FIGLA: variants seen among roughly 807,000 people sequenced by gnomAD.
The protein encoded by FIGLA is folliculogenesis specific bHLH transcription factor.
In FIGLA, 17 loss-of-function variants were observed where a neutral mutation model predicts 21.5. That is an observed-to-expected ratio of 0.79 (90% confidence interval 0.54 to 1.19). The LOEUF is 1.19. FIGLA is among the 50% of genes most tolerant of loss of function. The pLI, the probability that FIGLA is intolerant of heterozygous loss-of-function variation, is 0.00. For missense variants in FIGLA, 282 were observed against 285.0 expected, an observed-to-expected ratio of 0.99 and a Z score of 0.08; for synonymous variants, 129 against 117.6, an observed-to-expected ratio of 1.10 and a Z score of -0.63.
At chr2:70,786,086 G>C (rs782653897) in intron 2 of FIGLA, among the ~76,000 whole-genome samples, 1 of 152,042 alleles carries the variant, frequency 6.6e-6, no homozygotes, top group African/African-American at 2.4e-5. Context: ...ATATTCAAAG[G>C]TACTATCATA....
rs1339100230 is a variant in FIGLA, at chr2:70,785,497, T to A, written c.527A>T (p.Asp176Val). Residue 176 changes from aspartate to valine, a missense_variant, in exon 3 of 5, where the codon GAT (aspartate) becomes GTT (valine). Coordinates refer to ENST00000332372, the MANE Select transcript of FIGLA (RefSeq NM_001004311.3). ...LKNEEEGPWADGGSGEPAHAC... is the reference protein window; with the variant it reads ...LKNEEEGPWAVGGSGEPAHAC... ...GTGTGCTGGCTCACCACTGCCACCATCTGCCCAAGGCCCTTCCTCTTCATT... is the reference window on the plus strand; with the variant it reads ...GTGTGCTGGCTCACCACTGCCACCAACTGCCCAAGGCCCTTCCTCTTCATT... 27 of 1,613,888 alleles carry A rather than the reference T, an allele frequency of 1.7e-5. No individual in the cohort carries two copies. Among genetic ancestry groups the A allele is most frequent in the Non-Finnish European group, 2.3e-5 (27 of 1,179,902 alleles).
At chr2:70,786,920 C>T (rs1675965990) in intron 2 of FIGLA, among the ~76,000 whole-genome samples, 1 of 152,146 alleles carries the variant, frequency 6.6e-6, no homozygotes, top group Admixed American at 6.5e-5. Context: ...GCTTAGGGCT[C>T]ATTTCTAAGG....
intron 3 of FIGLA, among the ~76,000 whole-genome samples, chr2:70,780,751 A>C (rs1388503178): frequency 6.6e-6 from 1 of 152,168 alleles, no homozygotes; most frequent in African/African-American, 2.4e-5. Flanking sequence ...ATTCAGTACT[A>C]ATGTCATCAG....
chr2:70,789,819 C>T (rs1016844814), intron 1 of FIGLA, among the ~76,000 whole-genome samples: 8 of 152,176 alleles, frequency 5.3e-5, no homozygotes. Context: ...TTCCCGTTTG[C>T]GAGTTGCTGC....
chr2:70,778,606 G>C (rs1178896679), intron 3 of FIGLA, among the ~76,000 whole-genome samples: 1 of 152,064 alleles, frequency 6.6e-6, no homozygotes, highest in Non-Finnish European at 1.5e-5. Flanking sequence ...CTGCATTTTA[G>C]AACATTTATT....
At chr2:70,785,311 A>T in intron 3 of FIGLA, 104 bp downstream of exon 3, 1 of 1,000,916 alleles carries the variant, frequency 1.0e-6, no homozygotes, top group Non-Finnish European at 1.5e-6. Flanking sequence ...TCATTAAATT[A>T]TCTTGTTTTA....
chr2:70,783,342 GA>G lies in FIGLA; in HGVS notation c.609+2072del, dbSNP rs1439600110. ...CCTTTTTTGAAGGAAATTCCAGTCAGAACATCTCTGGCTTTTACTAGGAAAC... is the reference window on the plus strand; with the variant it reads ...CCTTTTTTGAAGGAAATTCCAGTCAGACATCTCTGGCTTTTACTAGGAAAC... On this transcript the variant is annotated intron_variant, in intron 3 of 4. Transcript: ENST00000332372. 2.6e-5 allele frequency among the ~76,000 whole-genome samples: 4 copies of G among 152,202 alleles called. No individual in the cohort carries two copies. In the East Asian group the frequency reaches 7.7e-4, roughly 29 times the overall value.
intron 3 of FIGLA, among the ~76,000 whole-genome samples, chr2:70,781,570 G>A (rs1181709235): frequency 9.9e-5 from 15 of 152,148 alleles, no homozygotes; most frequent in African/African-American, 1.4e-4. Flanking sequence ...TACGTGAACA[G>A]TTAAACTGTG....
chr2:70,780,463 AGGAAAGC>A (rs1675834550), intron 3 of FIGLA, among the ~76,000 whole-genome samples: 1 of 152,208 alleles, frequency 6.6e-6, no homozygotes, highest in Non-Finnish European at 1.5e-5. Flanking sequence ...TCACCGCTTC[AGGAAAGC>A]TGGGCTGAAT....
Position 70,777,337 on chromosome 2 carries a change from C to A in FIGLA, c.*30G>T. On this transcript the variant is annotated 3_prime_UTR_variant, in exon 5 of 5. Transcript: ENST00000332372. ...CTTTCAAGACTGCATTTATTTGTCT[C>A]TAGAAGGTAACCCTGGGCCTTTTCA... The A allele has an allele frequency of 6.9e-7, 1 of 1,444,374 alleles. No homozygotes were observed. Among genetic ancestry groups the A allele is most frequent in the Non-Finnish European group, 9.3e-7 (1 of 1,079,756 alleles). 89.5% of individuals were successfully genotyped at this position (1,444,374 alleles called of 1,614,324 possible).
rs1333940294 is a variant in FIGLA at position 70,790,364 on chromosome 2, A to T, written c.231+44T>A. ...GTGTTGACCAGGTGTTTGGTGGTAG[A>T]GCAGGGAAGGGGGGAACGGACGTCG... On this transcript the variant is annotated intron_variant, in intron 1 of 4. Coordinates refer to ENST00000332372, the MANE Select transcript of FIGLA (RefSeq NM_001004311.3). The T allele has an allele frequency of 1.2e-5, 18 of 1,479,594 alleles. No individual in the cohort carries two copies. The East Asian group carries it at 4.8e-4, about 39-fold the overall frequency. The allele number at this position is 1,479,594 out of a possible 1,614,324, so 91.7% of individuals were successfully genotyped here.
At position 70,790,389 on chromosome 2, in the gene FIGLA, G is replaced by C; in HGVS notation, c.231+19C>G. The stretch of plus-strand genomic sequence containing the variant: ...AGCAGGGAAGGGGGGAACGGACGTC[G>C]ACCCTAGGGATCCCTCACCCGCTCA... On this transcript the variant is annotated intron_variant, in intron 1 of 4. Coordinates refer to ENST00000332372, the MANE Select transcript of FIGLA (RefSeq NM_001004311.3). The C allele has an allele frequency of 6.7e-7, 1 of 1,500,648 alleles. No individual in the cohort carries two copies. Among genetic ancestry groups the C allele is most frequent in the South Asian group, 1.2e-5 (1 of 80,068 alleles). The allele number at this position is 1,500,648 out of a possible 1,614,324, so 93.0% of individuals were successfully genotyped here. A position where few individuals can be genotyped will look rare whatever the true frequency, so the allele number is the denominator to read the frequency against.
chr2:70,779,402 T>C (rs1419288043), intron 3 of FIGLA, among the ~76,000 whole-genome samples: 2 of 152,294 alleles, frequency 1.3e-5, no homozygotes, highest in African/African-American at 4.8e-5. Flanking sequence ...TACCATCGTA[T>C]AGAGCCACTA....
intron 2 of FIGLA, among the ~76,000 whole-genome samples, chr2:70,785,887 T>C (rs979241576): frequency 6.6e-6 from 1 of 152,182 alleles, no homozygotes; most frequent in Non-Finnish European, 1.5e-5. Context: ...TGTTTTACAA[T>C]GAACAAAGCA....
chr2:70,782,282 G>T (rs868983292), intron 3 of FIGLA, among the ~76,000 whole-genome samples: 3 of 152,224 alleles, frequency 2.0e-5, no homozygotes, highest in South Asian at 4.1e-4. Context: ...GATGCAATGA[G>T]TAGAAAACAG....
chr2:70,780,363 G>A (rs1675833104), intron 3 of FIGLA, among the ~76,000 whole-genome samples: 3 of 152,190 alleles, frequency 2.0e-5, no homozygotes. Flanking sequence ...CAAATCTTAA[G>A]CTCCTCTGGA....
At position 70,778,373 on chromosome 2, in the gene FIGLA, C is replaced by A. The variant is rs73940131; in HGVS notation, c.610-702G>T. Among the ~76,000 whole-genome samples, 1,360 of 152,278 alleles carry A rather than the reference C, an allele frequency of 8.9e-3. 24 individuals carry two copies. Among genetic ancestry groups the A allele is most frequent in the African/African-American group, 0.031 (1,289 of 41,564 alleles). On this transcript the variant is annotated intron_variant, in intron 3 of 4. Transcript: ENST00000332372. The stretch of plus-strand genomic sequence containing the variant: ...ACACTGCCAGGAGCAGTCTCTGACA[C>A]AAAATATGTATGAGTAGCTTTTTTT...
chr2:70,786,535 A>G (rs1368504433), intron 2 of FIGLA, among the ~76,000 whole-genome samples: 1 of 151,994 alleles, frequency 6.6e-6, no homozygotes, highest in Non-Finnish European at 1.5e-5. Context: ...CGATCTCCTG[A>G]CCTCATGATC....
intron 3 of FIGLA, among the ~76,000 whole-genome samples, chr2:70,780,431 A>G (rs1470216584): frequency 1.3e-5 from 2 of 152,220 alleles, no homozygotes; most frequent in African/African-American, 4.8e-5. Flanking sequence ...TAGTCTGGAC[A>G]GGATCCTGAA....
Sources: allele counts gnomAD v4.1 joint callset (sites outside exome capture counted in the v4.1 genomes callset), GRCh38; gene constraint gnomAD v4.1.1; transcripts MANE v1.5; gene names NCBI Gene and HGNC (gene_info 2026-07-23, HGNC 2026-07-21).